The following MEGF11 variants were observed in gnomAD, a reference collection of about 807,000 sequenced individuals.
The protein encoded by MEGF11 is multiple EGF like domains 11, also known as multiple epidermal growth factor-like domains protein 11.
MEGF11 carries 126 observed loss-of-function variants against 146.6 expected under a neutral mutation model. The observed-to-expected ratio is 0.86, with a 90% CI of 0.74 to 1.00. The LOEUF is 1.00. MEGF11 is among the 50% of genes least tolerant of loss of function. The pLI is 0.00. For synonymous variants in MEGF11, 532 were observed against 583.4 expected, an observed-to-expected ratio of 0.91 and a Z score of 1.27; for missense variants, 1,509 against 1,521.2, an observed-to-expected ratio of 0.99 and a Z score of 0.13.
At chr15:66,104,286 A>G (rs1348350978) in intron 4 of MEGF11, among the ~76,000 whole-genome samples, 3 of 152,172 alleles carry the variant, frequency 2.0e-5, no homozygotes, top group Non-Finnish European at 4.4e-5. Context: ...TGCCCACCCC[A>G]GCCAAGCAGT....
intron 5 of MEGF11, among the ~76,000 whole-genome samples, chr15:65,984,589 C>T (rs1330277439): frequency 6.8e-6 from 1 of 146,278 alleles, no homozygotes; most frequent in African/African-American, 2.5e-5. Flanking sequence ...TCCAGCAGTC[C>T]AGCACCTCCT....
chr15:66,039,412 C>T (rs1017001662), intron 5 of MEGF11, among the ~76,000 whole-genome samples: 5 of 152,152 alleles, frequency 3.3e-5, no homozygotes, highest in Admixed American at 2.0e-4. Context: ...CTCCTGCCTA[C>T]GGGAAGAGGG....
At chr15:66,003,047 G>A (rs1203693598) in intron 5 of MEGF11, among the ~76,000 whole-genome samples, 2 of 149,858 alleles carry the variant, frequency 1.3e-5, no homozygotes, top group African/African-American at 4.9e-5. Context: ...CTGGAGTCAT[G>A]CAGTGGTGCA....
intron 1 of MEGF11, among the ~76,000 whole-genome samples, chr15:66,138,135 C>T (rs928744596): frequency 1.3e-5 from 2 of 152,294 alleles, no homozygotes; most frequent in Non-Finnish European, 2.9e-5. Context: ...ACAGGCAACT[C>T]CTCCACAGCT....
chr15:66,056,012 T>C (rs1464448545), intron 5 of MEGF11, among the ~76,000 whole-genome samples: 2 of 152,050 alleles, frequency 1.3e-5, no homozygotes, highest in African/African-American at 4.8e-5. Flanking sequence ...GTAATTGAAA[T>C]ATGGTCCTAA....
intron 5 of MEGF11, among the ~76,000 whole-genome samples, chr15:65,984,078 A>T (rs1034196989): frequency 4.6e-5 from 7 of 152,194 alleles, no homozygotes; most frequent in African/African-American, 1.7e-4. Context: ...ATCTTGGTTC[A>T]TCCCTTCTTC....
At chr15:66,068,396 C>A (rs1432874294) in intron 5 of MEGF11, among the ~76,000 whole-genome samples, 1 of 152,220 alleles carries the variant, frequency 6.6e-6, no homozygotes, top group Non-Finnish European at 1.5e-5. Flanking sequence ...TACGACCCAC[C>A]ACATACCAAT....
chr15:66,034,275 G>A (rs1168794997), intron 5 of MEGF11, among the ~76,000 whole-genome samples: 1 of 152,190 alleles, frequency 6.6e-6, no homozygotes, highest in Non-Finnish European at 1.5e-5. Context: ...ATTCAGATGA[G>A]ACTCTGGACT....
chr15:66,207,164 A>G (rs765710512), intron 1 of MEGF11, among the ~76,000 whole-genome samples: 2 of 152,216 alleles, frequency 1.3e-5, no homozygotes, highest in Non-Finnish European at 2.9e-5. Flanking sequence ...AAACTTCCCA[A>G]ATTTAATGCA....
At chr15:65,921,182 T>G (rs2079159766) in intron 15 of MEGF11, among the ~76,000 whole-genome samples, 1 of 152,210 alleles carries the variant, frequency 6.6e-6, no homozygotes, top group Non-Finnish European at 1.5e-5. Flanking sequence ...TGGGTTCCCC[T>G]GGGAGGTAGT....
intron 1 of MEGF11, among the ~76,000 whole-genome samples, chr15:66,239,562 T>C (rs1235297384): frequency 1.3e-5 from 2 of 152,188 alleles, no homozygotes; most frequent in African/African-American, 4.8e-5. Flanking sequence ...GACCATCACC[T>C]ACTTTCTGGG....
chr15:66,183,345 C>T (rs1290890323), intron 1 of MEGF11, among the ~76,000 whole-genome samples: 1 of 151,934 alleles, frequency 6.6e-6, no homozygotes, highest in Non-Finnish European at 1.5e-5. Flanking sequence ...AGTAAAAATA[C>T]AAAAATTAGC....
intron 1 of MEGF11, among the ~76,000 whole-genome samples, chr15:66,175,735 G>A (rs2090373772): frequency 6.6e-6 from 1 of 152,060 alleles, no homozygotes; most frequent in African/African-American, 2.4e-5. Context: ...AAAACATAGG[G>A]GAAATACTGC....
At chr15:66,092,813 C>T (rs1290063218) in intron 5 of MEGF11, among the ~76,000 whole-genome samples, 1 of 152,216 alleles carries the variant, frequency 6.6e-6, no homozygotes, top group Admixed American at 6.5e-5. Flanking sequence ...CTCCAATAGG[C>T]TGCCTTCAGC....
intron 8 of MEGF11, among the ~76,000 whole-genome samples, chr15:65,965,575 T>TTCCTTCCTTC (rs1567179913): frequency 1.2e-4 from 3 of 24,994 alleles, no homozygotes; most frequent in African/African-American, 3.4e-4. Context: ...GAGGTCCCTT[T>TTCCTTCCTTC]CTTTCTTTCT....
intron 8 of MEGF11, 104 bp from the exon 9 acceptor site, chr15:65,965,224 G>A: frequency 1.1e-6 from 1 of 933,882 alleles, no homozygotes; most frequent in Admixed American, 2.5e-5. Flanking sequence ...CCCAGGCCTG[G>A]TGTGCTCCAC....
chr15:65,928,293 G>A, intron 13 of MEGF11, 132 bp downstream of exon 13: 2 of 553,854 alleles, frequency 3.6e-6, no homozygotes, highest in Non-Finnish European at 6.5e-6. Flanking sequence ...GGAACCCAGA[G>A]CAGATAAAGG....
Position 66,094,404 on chromosome 15 carries a change from C to A in MEGF11, c.392G>T (p.Ser131Ile). 1 of 1,556,062 alleles carries A rather than the reference C, an allele frequency of 6.4e-7. No homozygotes were observed. The highest frequency in any genetic ancestry group is 8.7e-7 in the Non-Finnish European group (1 of 1,149,180). The change falls in exon 5 of 26, where the codon AGC (serine) becomes ATC (isoleucine). Residue 131 changes from serine (S) to isoleucine (I), a missense_variant and splice_region_variant. Coordinates refer to ENST00000395614, the MANE Select transcript of MEGF11 (RefSeq NM_001385028.1). The part of the protein sequence containing the change: ...EPGWGGPDCS[S>I]GCDSDHWGPH... The stretch of plus-strand genomic sequence containing the variant: ...TGACCCCCAAACCCCAGACTCACCG[C>A]TGGAGCAGTCGGGCCCTCCCCAGCC...
intron 5 of MEGF11, among the ~76,000 whole-genome samples, chr15:66,032,803 GAAAGACAGGATTT>G (rs2083574812): frequency 6.6e-6 from 1 of 152,212 alleles, no homozygotes; most frequent in African/African-American, 2.4e-5. Context: ...AGTAAGATAG[GAAAGACAGGATTT>G]AAAGACAGAA....
Sources: gnomAD v4.1 joint callset for allele counts (sites outside exome capture counted in the v4.1 genomes callset) on GRCh38, gnomAD v4.1.1 for gene constraint, MANE v1.5 for transcripts, NCBI Gene and HGNC (gene_info 2026-07-23, HGNC 2026-07-21) for gene names.